GRIK2: variants seen among roughly 807,000 people sequenced by gnomAD.
GRIK2 encodes glutamate receptor ionotropic, kainate 2.
Under a neutral mutation model 100.3 loss-of-function variants are expected in GRIK2, and 32 were observed. The observed-to-expected ratio is 0.32, with a 90% CI of 0.24 to 0.43. GRIK2 has a LOEUF of 0.43. Ranked by LOEUF, GRIK2 falls within the 20% of genes least tolerant of loss-of-function variation. The probability of loss-of-function intolerance (pLI) is 1.00; values close to 1 mark genes in which losing one functional copy is unlikely to be tolerated. For missense variants in GRIK2, 843 were observed against 1,114.9 expected (o/e 0.76, Z 3.47); for synonymous variants, 417 against 389.4 (o/e 1.07, Z -0.83).
At chr6:102,046,540 C>A (rs1014972937) in intron 15 of GRIK2, among the ~76,000 whole-genome samples, 4 of 152,046 alleles carry the variant, frequency 2.6e-5, no homozygotes, top group African/African-American at 4.8e-5. Flanking sequence ...TCCTTGCTTC[C>A]CCTTAGTCTT....
At chr6:101,589,109 T>C (rs1467338741) in intron 2 of GRIK2, among the ~76,000 whole-genome samples, 1 of 151,756 alleles carries the variant, frequency 6.6e-6, no homozygotes, top group Non-Finnish European at 1.5e-5. Context: ...GATAGTGGAG[T>C]GGAGGGGGCT....
chr6:101,597,782 T>A (rs1005016279), intron 2 of GRIK2, among the ~76,000 whole-genome samples: 10 of 151,716 alleles, frequency 6.6e-5, no homozygotes, highest in African/African-American at 2.4e-4. Flanking sequence ...CTGTTTTTAG[T>A]AGAAGAGTTG....
At chr6:101,955,387 C>T (rs1469111419) in intron 14 of GRIK2, among the ~76,000 whole-genome samples, 1 of 152,108 alleles carries the variant, frequency 6.6e-6, no homozygotes, top group Non-Finnish European at 1.5e-5. Context: ...CACAGTGGCT[C>T]ATGTCTGTAA....
chr6:101,971,110 T>A (rs185165790), intron 14 of GRIK2, among the ~76,000 whole-genome samples: 1 of 149,326 alleles, frequency 6.7e-6, no homozygotes, highest in Non-Finnish European at 1.5e-5. Flanking sequence ...AATTTTGAAA[T>A]TTTTTCAGAA....
At chr6:101,670,338 G>A (rs569441909) in intron 4 of GRIK2, among the ~76,000 whole-genome samples, 1 of 152,126 alleles carries the variant, frequency 6.6e-6, no homozygotes, top group South Asian at 2.1e-4. Flanking sequence ...TAGTAGTGAG[G>A]TTTTTATCTT....
At chr6:101,400,157 T>G (rs1775215617) in intron 2 of GRIK2, among the ~76,000 whole-genome samples, 1 of 152,146 alleles carries the variant, frequency 6.6e-6, no homozygotes, top group Non-Finnish European at 1.5e-5. Flanking sequence ...GAAGAGTAGT[T>G]GTTTAAGGAG....
intron 2 of GRIK2, among the ~76,000 whole-genome samples, chr6:101,493,479 T>C (rs1773251892): frequency 6.6e-6 from 1 of 152,064 alleles, no homozygotes; most frequent in Admixed American, 6.6e-5. Flanking sequence ...TTAGAGACAA[T>C]GACTGTTAAC....
chr6:101,653,999 A>G (rs1013020309), intron 4 of GRIK2, among the ~76,000 whole-genome samples: 24 of 152,148 alleles, frequency 1.6e-4, no homozygotes, highest in African/African-American at 5.8e-4. Context: ...ATGTACCACA[A>G]CTGATGGTTT....
chr6:101,774,568 C>T (rs1240917100), intron 7 of GRIK2, among the ~76,000 whole-genome samples: 1 of 152,086 alleles, frequency 6.6e-6, no homozygotes, highest in African/African-American at 2.4e-5. Context: ...CATTTTAAAA[C>T]AGAATGAGAT....
In GRIK2 at chr6:102,068,381, G is replaced by C. The variant is rs757304842; in HGVS notation, c.2597G>C (p.Arg866Thr). The change falls in exon 17 of 17, where the codon AGG becomes ACG. Residue 866 changes from arginine to threonine, a missense_variant. Physicochemically the swap from Arg to Thr is moderately conservative, Grantham distance 71. Transcript: ENST00000369134. The stretch of plus-strand genomic sequence containing the variant: ...TGTAGTGCCATGGTAGAAGAATTGA[G>C]GATGTCCCTGAAGTGCCAGCGTCGG... The part of the protein sequence containing the change: ...SFCSAMVEEL[R>T]MSLKCQRRLK... 2 of 1,611,720 alleles carry C rather than the reference G, an allele frequency of 1.2e-6. No homozygotes were observed. The highest frequency in any genetic ancestry group is 2.2e-5 in the South Asian group (2 of 91,028).
At position 101,445,128 on chromosome 6, in the gene GRIK2, T is replaced by A. The variant is rs553723891; in HGVS notation, c.115+45736T>A. Among the ~76,000 whole-genome samples, 4 of 152,224 alleles carry A rather than the reference T, an allele frequency of 2.6e-5. No homozygotes were observed. The East Asian group carries it at 7.7e-4, about 29-fold the overall frequency. ...TCAGAATACTCCTTGATCTGCACTA[T>A]CCTACTCTCCTTTTCCTCAATAACT... On this transcript the variant is annotated intron_variant, in intron 2 of 16. Transcript: ENST00000369134.
At chr6:101,594,242 A>G (rs1778802580) in intron 2 of GRIK2, among the ~76,000 whole-genome samples, 1 of 151,828 alleles carries the variant, frequency 6.6e-6, no homozygotes, top group Non-Finnish European at 1.5e-5. Flanking sequence ...TTATTTTCTC[A>G]ACATAGGAAA....
chr6:102,036,259 A>ATG (rs1163887077), intron 15 of GRIK2, among the ~76,000 whole-genome samples: 37 of 150,986 alleles, frequency 2.5e-4, no homozygotes, highest in African/African-American at 8.0e-4. Context: ...ACACACACAC[A>ATG]CATATATATA....
At chr6:101,508,552 A>G (rs1302550425) in intron 2 of GRIK2, among the ~76,000 whole-genome samples, 1 of 152,064 alleles carries the variant, frequency 6.6e-6, no homozygotes, top group East Asian at 1.9e-4. Flanking sequence ...AAGCTTATAT[A>G]TTATCCTACC....
intron 4 of GRIK2, among the ~76,000 whole-genome samples, chr6:101,641,615 C>T (rs1395654044): frequency 6.6e-6 from 1 of 151,750 alleles, no homozygotes; most frequent in African/African-American, 2.4e-5. Flanking sequence ...TAATTTTAAA[C>T]ATAATTTTCC....
chr6:101,478,324 G>A lies in GRIK2; in HGVS notation c.115+78932G>A, dbSNP rs143409357. Reference sequence around the variant, plus strand: ...TTATTGTTAGATCTTCGGGTCCTGTGTATTATAGTGAAGGTTTACTTTCCT... The same window carrying A: ...TTATTGTTAGATCTTCGGGTCCTGTATATTATAGTGAAGGTTTACTTTCCT... On this transcript the variant is annotated intron_variant, in intron 2 of 16. Transcript: ENST00000369134. Among the ~76,000 whole-genome samples the A allele has an allele frequency of 3.3e-5, 5 of 151,928 alleles. No homozygotes were observed. The East Asian group carries it at 5.8e-4, about 18-fold the overall frequency.
At chr6:101,910,023 T>C (rs1247894890) in intron 12 of GRIK2, among the ~76,000 whole-genome samples, 1 of 128,746 alleles carries the variant, frequency 7.8e-6, no homozygotes, top group Non-Finnish European at 1.7e-5. Flanking sequence ...GTAATTGTTT[T>C]AAAAATAATG....
chr6:101,676,875 T>C (rs1770879760), intron 5 of GRIK2, 71 bp downstream of exon 5: 1 of 861,068 alleles, frequency 1.2e-6, no homozygotes. Context: ...TTCTTTTAAA[T>C]CAAAATATTA....
chr6:101,570,492 G>A (rs1035335097), intron 2 of GRIK2, among the ~76,000 whole-genome samples: 15 of 151,980 alleles, frequency 9.9e-5, no homozygotes, highest in African/African-American at 3.4e-4. Context: ...TTCTCCCCCT[G>A]CCAGCTCCCT....
Sources: gnomAD v4.1 joint callset for allele counts (sites outside exome capture counted in the v4.1 genomes callset) on GRCh38, gnomAD v4.1.1 for gene constraint, MANE v1.5 for transcripts, NCBI Gene and HGNC (gene_info 2026-07-23, HGNC 2026-07-21) for gene names.